The following KCNH5 variants were observed in gnomAD, a reference collection of about 807,000 sequenced individuals.
KCNH5 encodes voltage-gated delayed rectifier potassium channel KCNH5.
A neutral mutation model predicts 96.1 loss-of-function variants in KCNH5; 46 were observed. The ratio of observed to expected loss-of-function variants is 0.48; its 90% CI spans 0.38 to 0.61. KCNH5 has a LOEUF of 0.61. Ranked by LOEUF, KCNH5 falls within the 20% of genes least tolerant of loss-of-function variation. The probability of loss-of-function intolerance (pLI) is 0.00; values close to 1 mark genes in which losing one functional copy is unlikely to be tolerated. For missense variants in KCNH5, 907 were observed against 1,225.8 expected, an observed-to-expected ratio of 0.74 and a Z score of 3.88; for synonymous variants, 439 against 449.8, an observed-to-expected ratio of 0.98 and a Z score of 0.30.
intron 10 of KCNH5, among the ~76,000 whole-genome samples, chr14:62,729,571 T>G (rs1025513145): frequency 6.6e-6 from 1 of 152,174 alleles, no homozygotes; most frequent in Non-Finnish European, 1.5e-5. Flanking sequence ...ATACTGTGCC[T>G]GGATGAGACT....
intron 7 of KCNH5, among the ~76,000 whole-genome samples, chr14:62,894,336 T>G (rs188084292): frequency 6.6e-6 from 1 of 152,290 alleles, no homozygotes; most frequent in African/African-American, 2.4e-5. Context: ...GAGAGATCTA[T>G]ACTCCTATGG....
chr14:62,861,351 C>A (rs116890856), intron 7 of KCNH5, among the ~76,000 whole-genome samples: 3,065 of 151,680 alleles, frequency 0.02, 56 homozygotes, highest in East Asian at 0.08. Flanking sequence ...CTCACTGCAG[C>A]CTTGACCTCT....
At chr14:62,798,459 T>C (rs1886583971) in intron 9 of KCNH5, among the ~76,000 whole-genome samples, 1 of 152,140 alleles carries the variant, frequency 6.6e-6, no homozygotes, top group South Asian at 2.1e-4. Context: ...TAAGTAATTA[T>C]AGGATAGGAA....
At chr14:62,862,972 T>C (rs1239593974) in intron 7 of KCNH5, among the ~76,000 whole-genome samples, 2 of 152,176 alleles carry the variant, frequency 1.3e-5, no homozygotes, top group East Asian at 3.9e-4. Flanking sequence ...CCCTCCGTTT[T>C]GCTCCATCCT....
At chr14:62,780,322 A>ATT (rs1436767842) in intron 9 of KCNH5, among the ~76,000 whole-genome samples, 2 of 152,232 alleles carry the variant, frequency 1.3e-5, no homozygotes, top group Admixed American at 1.3e-4. Context: ...GATCTGCTGT[A>ATT]ACAGCCTTTA....
intron 6 of KCNH5, among the ~76,000 whole-genome samples, chr14:62,957,974 G>GA (rs367823014): frequency 1.2e-3 from 179 of 152,226 alleles, no homozygotes; most frequent in African/African-American, 4.3e-3. Context: ...TGACATGCAG[G>GA]AAAAAAGATA....
chr14:62,753,849 T>A (rs904920334), intron 10 of KCNH5, among the ~76,000 whole-genome samples: 3 of 152,180 alleles, frequency 2.0e-5, no homozygotes, highest in Non-Finnish European at 4.4e-5. Context: ...CTAAAGGTAG[T>A]TCTTCAATCT....
chr14:62,836,399 G>A (rs112002919), intron 8 of KCNH5, among the ~76,000 whole-genome samples: 2 of 151,954 alleles, frequency 1.3e-5, no homozygotes, highest in South Asian at 2.1e-4. Context: ...TACCAATTCA[G>A]TTCAGTAAAA....
chr14:62,938,645 A>G (rs959699617), intron 7 of KCNH5, among the ~76,000 whole-genome samples: 1 of 152,258 alleles, frequency 6.6e-6, no homozygotes, highest in South Asian at 2.1e-4. Flanking sequence ...TGGATATCAC[A>G]TATGTGAGAA....
intron 8 of KCNH5, among the ~76,000 whole-genome samples, chr14:62,804,163 T>C (rs1322868315): frequency 6.6e-6 from 1 of 152,148 alleles, no homozygotes; most frequent in Non-Finnish European, 1.5e-5. Context: ...CTTAATGCTC[T>C]ACATACATTT....
intron 6 of KCNH5, among the ~76,000 whole-genome samples, chr14:62,966,352 G>A (rs931962431): frequency 1.3e-5 from 2 of 152,150 alleles, no homozygotes; most frequent in Admixed American, 1.3e-4. Context: ...CCTCTTCCAT[G>A]GGCATAGACC....
intron 8 of KCNH5, among the ~76,000 whole-genome samples, chr14:62,810,444 C>T (rs1342878263): frequency 1.3e-5 from 2 of 152,032 alleles, no homozygotes; most frequent in Admixed American, 6.6e-5. Context: ...GAGGCTGAGA[C>T]GTACTGGGCT....
intron 4 of KCNH5, among the ~76,000 whole-genome samples, chr14:62,991,459 G>A (rs1271779439): frequency 6.6e-6 from 1 of 151,980 alleles, no homozygotes; most frequent in Non-Finnish European, 1.5e-5. Flanking sequence ...CGGACCAGAA[G>A]AGAGAAATTT....
intron 6 of KCNH5, among the ~76,000 whole-genome samples, chr14:62,966,117 C>T (rs982098595): frequency 1.2e-4 from 18 of 152,094 alleles, no homozygotes; most frequent in African/African-American, 4.1e-4. Context: ...CTGAAGATGA[C>T]TGATTTTTCC....
chr14:62,721,104 C>T (rs1350008284), intron 10 of KCNH5, among the ~76,000 whole-genome samples: 1 of 152,164 alleles, frequency 6.6e-6, no homozygotes, highest in Non-Finnish European at 1.5e-5. Context: ...CAGGGATAAG[C>T]TCTTTCATCC....
At chr14:63,044,491 G>T (rs1891884701) in intron 1 of KCNH5, among the ~76,000 whole-genome samples, 1 of 152,154 alleles carries the variant, frequency 6.6e-6, no homozygotes, top group Admixed American at 6.5e-5. Flanking sequence ...ATATATAGAT[G>T]AATGTACAGT....
chr14:62,731,205 G>A, intron 10 of KCNH5, among the ~76,000 whole-genome samples: 1 of 152,032 alleles, frequency 6.6e-6, no homozygotes, highest in Middle Eastern at 3.2e-3. Flanking sequence ...GGAGGCTGAA[G>A]CTGGAGAATC....
chr14:62,817,093 T>C (rs1886995748), intron 8 of KCNH5, among the ~76,000 whole-genome samples: 1 of 138,866 alleles, frequency 7.2e-6, no homozygotes, highest in Non-Finnish European at 1.5e-5. Flanking sequence ...TATTATATAT[T>C]ATATATAATT....
intron 8 of KCNH5, 94 bp downstream of exon 8, chr14:62,849,559 A>G (rs568987518): frequency 2.1e-6 from 2 of 966,872 alleles, no homozygotes; most frequent in East Asian, 2.4e-5. Context: ...ACAGTTACGA[A>G]GCAATTATAC....
Sources: gnomAD v4.1 joint callset for allele counts (sites outside exome capture counted in the v4.1 genomes callset) on GRCh38, gnomAD v4.1.1 for gene constraint, MANE v1.5 for transcripts, NCBI Gene and HGNC (gene_info 2026-07-23, HGNC 2026-07-21) for gene names.